The following POSTN variants were observed in gnomAD, a reference collection of about 807,000 sequenced individuals.
POSTN encodes periostin.
Under a neutral mutation model 104.5 loss-of-function variants are expected in POSTN, and 71 were observed. The observed-to-expected ratio is 0.68, with a 90% CI of 0.56 to 0.83. POSTN has a LOEUF of 0.83. Ranked by LOEUF, POSTN falls within the 40% of genes least tolerant of loss-of-function variation. The probability of loss-of-function intolerance (pLI) is 0.00; values close to 1 mark genes in which losing one functional copy is unlikely to be tolerated. For synonymous variants in POSTN, 355 were observed against 340.7 expected (o/e 1.04, Z -0.46); for missense variants, 949 against 1,006.8 (o/e 0.94, Z 0.78).
chr13:37,582,589 C>T, intron 9 of POSTN, 75 bp from the exon 10 acceptor site: 1 of 1,319,638 alleles, frequency 7.6e-7, no homozygotes, highest in Non-Finnish European at 1.0e-6. Flanking sequence ...AAGACAGAAT[C>T]ATATAAACAG....
chr13:37,571,275 G>C (rs1950254940), intron 18 of POSTN, 94 bp downstream of exon 18: 1 of 822,142 alleles, frequency 1.2e-6, no homozygotes, highest in Admixed American at 2.7e-5. Context: ...TAAGAACTAA[G>C]AGAAAATATC....
intron 1 of POSTN, 29 bp downstream of exon 1, chr13:37,598,579 T>C (rs1237655943): frequency 6.3e-7 from 1 of 1,589,430 alleles, no homozygotes; most frequent in Admixed American, 1.7e-5. Flanking sequence ...AAAAGAAAAA[T>C]GGTTTATAAA....
chr13:37,581,679 G>T (rs150865453), intron 10 of POSTN, among the ~76,000 whole-genome samples: 353 of 152,068 alleles, frequency 2.3e-3, no homozygotes, highest in Middle Eastern at 6.8e-3. Context: ...AGCTATGATT[G>T]TGCCACTGCA....
chr13:37,568,662 G>A (rs924690688), intron 21 of POSTN: 7 of 151,018 alleles, frequency 4.6e-5, no homozygotes, highest in Non-Finnish European at 1.0e-4. Flanking sequence ...TTACTATGTA[G>A]GGTTTGTGTA....
chr13:37,590,614 C>T (rs1450931007), intron 3 of POSTN, 85 bp from the exon 4 acceptor site: 1 of 1,160,882 alleles, frequency 8.6e-7, no homozygotes, highest in African/African-American at 1.6e-5. Flanking sequence ...TGCTGTGTTT[C>T]CCAAGACATT....
At position 37,582,501 on chromosome 13, in the gene POSTN, G is replaced by C; in HGVS notation, c.1257C>G (p.Ser419Arg). ...VNNAFSDDTL[S>R]MDQRLLKLIL... ...TTAATTTAAGGAGGCGCTGATCCAT[G>C]CTGAGAGTATCATCTGTAAATAAAT... Residue 419 changes from serine to arginine, a missense_variant, in exon 10 of 23, where the codon AGC becomes AGG. Ser to Arg is a moderately radical substitution (Grantham distance 110). Transcript: ENST00000379747. The C allele has an allele frequency of 6.2e-7, 1 of 1,602,128 alleles. No individual in the cohort carries two copies. The highest frequency in any genetic ancestry group is 1.1e-5 in the South Asian group (1 of 88,422).
chr13:37,584,978 T>G, intron 7 of POSTN, 50 bp from the exon 8 acceptor site: 1 of 1,598,924 alleles, frequency 6.3e-7, no homozygotes, highest in African/African-American at 1.3e-5. Flanking sequence ...GGAAATAACA[T>G]TTGACCCTGA....
intron 3 of POSTN, among the ~76,000 whole-genome samples, chr13:37,591,324 C>A (rs1950926749): frequency 6.6e-6 from 1 of 152,130 alleles, no homozygotes; most frequent in South Asian, 2.1e-4. Flanking sequence ...TTAATTGATT[C>A]TAAATTCAAT....
rs1449133055 is a variant in POSTN at position 37,584,855 on chromosome 13, C to T, written c.969G>A (p.Thr323=). Residue 323 remains threonine, a synonymous_variant, in exon 8 of 23, where the codon ACG becomes ACA. Coordinates refer to ENST00000379747, the MANE Select transcript of POSTN (RefSeq NM_006475.3). The part of the protein sequence containing the change: ...ESIMGGAVFE[T]LEGNTIEIGC... ...CTATCTCAATTGTATTTCCTTCCAG[C>T]GTCTCAAAGACTGCTCCTCCCATAA... 5.0e-6 allele frequency: 8 copies of T among 1,613,720 alleles called. No homozygotes were observed. The highest frequency in any genetic ancestry group is 1.7e-5 in the Admixed American group (1 of 59,968).
intron 1 of POSTN, 80 bp from the exon 2 acceptor site, chr13:37,597,362 GA>G: frequency 1.2e-6 from 1 of 857,848 alleles, no homozygotes; most frequent in Non-Finnish European, 1.8e-6. Context: ...GTTGATAGAA[GA>G]AAATGTTGAG....
intron 7 of POSTN, among the ~76,000 whole-genome samples, 179 bp from the exon 8 acceptor site, chr13:37,585,107 T>C (rs1360090794): frequency 6.6e-6 from 1 of 152,202 alleles, no homozygotes; most frequent in African/African-American, 2.4e-5. Flanking sequence ...AACTATAAAA[T>C]AGAAACAGCT....
At chr13:37,587,598 G>A (rs1413409875) in intron 5 of POSTN, among the ~76,000 whole-genome samples, 1 of 152,124 alleles carries the variant, frequency 6.6e-6, no homozygotes, top group African/African-American at 2.4e-5. Context: ...CCTGTCTACT[G>A]TCAATGAACT....
chr13:37,579,409 A>G, intron 12 of POSTN, 50 bp from the exon 13 acceptor site: 2 of 1,408,754 alleles, frequency 1.4e-6, no homozygotes, highest in South Asian at 2.5e-5. Context: ...ACTTTTTGAT[A>G]AGGACTAAGA....
chr13:37,583,875 C>T, intron 9 of POSTN, 94 bp downstream of exon 9: 1 of 1,456,224 alleles, frequency 6.9e-7, no homozygotes, highest in South Asian at 1.4e-5. Context: ...ATCAACACCT[C>T]CTAAAACATT....
At chr13:37,587,070 T>C in intron 5 of POSTN, 142 bp from the exon 6 acceptor site, 1 of 711,370 alleles carries the variant, frequency 1.4e-6, no homozygotes, top group Admixed American at 3.5e-5. Flanking sequence ...ACGCTGTGGA[T>C]GAAGATTTAC....
At chr13:37,579,817 T>A in intron 12 of POSTN, 44 bp downstream of exon 12, 1 of 1,586,026 alleles carries the variant, frequency 6.3e-7, no homozygotes, top group Non-Finnish European at 8.6e-7. Flanking sequence ...AGAAGTGAGA[T>A]CCTGAAATGA....
At chr13:37,568,417 G>A (rs182597811) in intron 21 of POSTN, among the ~76,000 whole-genome samples, 52 of 152,050 alleles carry the variant, frequency 3.4e-4, no homozygotes, top group African/African-American at 1.3e-3. Context: ...AAAAGTATAA[G>A]CTGAAAAGCC....
At chr13:37,583,824 G>T in intron 9 of POSTN, 145 bp downstream of exon 9, 1 of 840,766 alleles carries the variant, frequency 1.2e-6, no homozygotes, top group Non-Finnish European at 1.8e-6. Context: ...TAGAGACCAT[G>T]TAGTGTTAAC....
chr13:37,587,351 C>G (rs1466639910), intron 5 of POSTN, among the ~76,000 whole-genome samples: 1 of 152,080 alleles, frequency 6.6e-6, no homozygotes, highest in Non-Finnish European at 1.5e-5. Context: ...ACAAGAACTT[C>G]CTAAAAATTG....
Sources: gnomAD v4.1 joint callset for allele counts (sites outside exome capture counted in the v4.1 genomes callset) on GRCh38, gnomAD v4.1.1 for gene constraint, MANE v1.5 for transcripts, NCBI Gene and HGNC (gene_info 2026-07-23, HGNC 2026-07-21) for gene names.